Variants in GPATCH2L observed in about 807,000 individuals in gnomAD.
GPATCH2L encodes the protein G patch domain-containing protein 2-like.
GPATCH2L carries 31 observed loss-of-function variants against 57.4 expected under a neutral mutation model. The ratio of observed to expected loss-of-function variants is 0.54; its 90% CI spans 0.41 to 0.73. The LOEUF is 0.73. Ranked by LOEUF, GPATCH2L falls within the 30% of genes least tolerant of loss-of-function variation. The pLI is 0.00. For missense variants in GPATCH2L, 481 were observed against 599.9 expected, an observed-to-expected ratio of 0.80 and a Z score of 2.07; for synonymous variants, 199 against 210.7, an observed-to-expected ratio of 0.94 and a Z score of 0.48.
intron 1 of GPATCH2L, among the ~76,000 whole-genome samples, chr14:76,222,421 A>G (rs758547974): frequency 1.3e-5 from 2 of 152,156 alleles, no homozygotes; most frequent in Non-Finnish European, 2.9e-5. Flanking sequence ...AGCCTGGCCA[A>G]CATGTAAAAC....
chr14:76,172,786 A>G (rs1311045612), intron 4 of GPATCH2L, among the ~76,000 whole-genome samples: 1 of 152,256 alleles, frequency 6.6e-6, no homozygotes, highest in East Asian at 1.9e-4. Flanking sequence ...GATCAGAATC[A>G]CACTACGAGA....
At position 76,154,304 on chromosome 14, in the gene GPATCH2L, T is replaced by A. The variant is rs995569206; in HGVS notation, c.-10-50T>A. The A allele has an allele frequency of 1.3e-4, 183 of 1,436,858 alleles. 2 individuals are homozygous for A. In the African/African-American group the frequency reaches 2.4e-3, roughly 18 times the overall value. The allele number at this position is 1,436,858 out of a possible 1,614,324, so 89.0% of individuals were successfully genotyped here. On this transcript the variant is annotated intron_variant, in intron 1 of 9. Coordinates refer to ENST00000261530, the MANE Select transcript of GPATCH2L (RefSeq NM_017926.4). This position sits in a 1 kb window ranked among gnomAD's most constrained non-coding sequence, Gnocchi z 4.4. ...AACAGATCCTTTTTCAGGCTTTCTT[T>A]TTCTTTTTCTTTTCTTTCTTTCTTT...
intron 2 of GPATCH2L, among the ~76,000 whole-genome samples, chr14:76,162,278 A>T (rs1204727817): frequency 6.6e-6 from 1 of 152,186 alleles, no homozygotes; most frequent in Non-Finnish European, 1.5e-5. Context: ...TTAGAGTCTC[A>T]GTCCCTTTTC....
intron 2 of GPATCH2L, among the ~76,000 whole-genome samples, chr14:76,231,101 C>A (rs72729619): frequency 0.15 from 22,798 of 152,196 alleles, 1,887 homozygotes; most frequent in African/African-American, 0.21. Flanking sequence ...ACCAAAAGTC[C>A]GCTTATTTAT....
At chr14:76,155,325 A>G (rs1262514130) in intron 2 of GPATCH2L, among the ~76,000 whole-genome samples, 1 of 152,250 alleles carries the variant, frequency 6.6e-6, no homozygotes, top group Non-Finnish European at 1.5e-5. Context: ...TTATTATGCC[A>G]TACAGTTTAT....
chr14:76,189,755 G>C (rs1316861654), intron 8 of GPATCH2L, among the ~76,000 whole-genome samples: 1 of 152,054 alleles, frequency 6.6e-6, no homozygotes, highest in African/African-American at 2.4e-5. Context: ...CAGTGGTGAA[G>C]GTGGGCATCC....
chr14:76,173,433 T>C, intron 4 of GPATCH2L, 113 bp from the exon 5 acceptor site: 1 of 647,444 alleles, frequency 1.5e-6, no homozygotes, highest in East Asian at 2.6e-5. Flanking sequence ...GTGATGCTAG[T>C]TTAAAGGTCA....
chr14:76,183,308 A>G (rs1053203461), intron 8 of GPATCH2L, among the ~76,000 whole-genome samples: 1 of 152,248 alleles, frequency 6.6e-6, no homozygotes, highest in African/African-American at 2.4e-5. Flanking sequence ...GTTTTAGACC[A>G]TTGCTGAAAG....
chr14:76,178,150 A>G, intron 7 of GPATCH2L, 108 bp downstream of exon 7: 7 of 1,282,662 alleles, frequency 5.5e-6, no homozygotes, highest in Non-Finnish European at 7.8e-6. Context: ...TGTAGGTTCA[A>G]CTGTGATCAT....
At chr14:76,180,173 G>A (rs1430784054) in intron 7 of GPATCH2L, among the ~76,000 whole-genome samples, 2 of 152,162 alleles carry the variant, frequency 1.3e-5, no homozygotes, top group African/African-American at 4.8e-5. Context: ...TCCAGCCTAG[G>A]TGATGGAGTG....
In GPATCH2L at chr14:76,193,516, A is replaced by G. The variant is rs2040050027; in HGVS notation, c.1194-2362A>G. ...TTGTAAACTGTGATCTTGAAGAAGCAATGTTTTAAATTAACTTTTTATTGA... is the reference window on the plus strand; with the variant it reads ...TTGTAAACTGTGATCTTGAAGAAGCGATGTTTTAAATTAACTTTTTATTGA... On this transcript the variant is annotated intron_variant, in intron 8 of 9. Transcript: ENST00000261530. 2.6e-5 allele frequency among the ~76,000 whole-genome samples: 4 copies of G among 152,300 alleles called. No individual in the cohort carries two copies. In the South Asian group the frequency reaches 8.3e-4, roughly 32 times the overall value.
chr14:76,200,268 G>C (rs1377824368), intron 9 of GPATCH2L, among the ~76,000 whole-genome samples: 1 of 152,166 alleles, frequency 6.6e-6, no homozygotes, highest in Non-Finnish European at 1.5e-5. Flanking sequence ...TTATACAACA[G>C]TGTGAATGTA....
chr14:76,198,210 A>C (rs1294332696), intron 9 of GPATCH2L, among the ~76,000 whole-genome samples: 4 of 152,160 alleles, frequency 2.6e-5, no homozygotes, highest in Non-Finnish European at 5.9e-5. Flanking sequence ...TAGTGCACAG[A>C]ACCACACCCT....
chr14:76,194,504 T>TGC (rs1555381040), intron 8 of GPATCH2L, among the ~76,000 whole-genome samples: 1 of 152,090 alleles, frequency 6.6e-6, no homozygotes, highest in African/African-American at 2.4e-5. Context: ...TGTGTGTGTG[T>TGC]GCACGCTCAT....
intron 9 of GPATCH2L, among the ~76,000 whole-genome samples, chr14:76,198,732 CGAGA>C (rs141537263): frequency 2.4e-4 from 37 of 152,078 alleles, no homozygotes; most frequent in African/African-American, 8.0e-4. Context: ...GATATGAGAG[CGAGA>C]GAGAGAGATT....
chr14:76,153,377 A>C (rs1020252447), intron 1 of GPATCH2L, among the ~76,000 whole-genome samples: 1 of 152,246 alleles, frequency 6.6e-6, no homozygotes, highest in Admixed American at 6.5e-5. Context: ...GATTGCTCCT[A>C]CTACTGTCAT....
intron 8 of GPATCH2L, among the ~76,000 whole-genome samples, chr14:76,183,558 A>T (rs11851925): frequency 6.6e-6 from 1 of 152,100 alleles, no homozygotes; most frequent in Middle Eastern, 3.2e-3. Context: ...TACTACATAC[A>T]TAATTTTTTT....
chr14:76,228,802 G>A (rs2040547752), intron 1 of GPATCH2L, among the ~76,000 whole-genome samples: 1 of 152,206 alleles, frequency 6.6e-6, no homozygotes, highest in South Asian at 2.1e-4. Context: ...TTGGAGCTCA[G>A]AGAAAGAGGT....
At chr14:76,183,653 A>G (rs1304629172) in intron 8 of GPATCH2L, among the ~76,000 whole-genome samples, 2 of 152,192 alleles carry the variant, frequency 1.3e-5, no homozygotes, top group Non-Finnish European at 2.9e-5. Flanking sequence ...AGTGACTTCT[A>G]TGCAATTTTT....
Sources: gnomAD v4.1 joint callset for allele counts (sites outside exome capture counted in the v4.1 genomes callset) on GRCh38, gnomAD v4.1.1 for gene constraint, Gnocchi (gnomAD v3.1) non-coding constraint, MANE v1.5 for transcripts, NCBI Gene and HGNC (gene_info 2026-07-23, HGNC 2026-07-21) for gene names.